Variants in CCSER1 observed in about 807,000 individuals in gnomAD.
The protein encoded by CCSER1 is coiled-coil serine rich protein 1.
Under a neutral mutation model 82.0 loss-of-function variants are expected in CCSER1, and 41 were observed. The observed-to-expected ratio is 0.50, with a 90% CI of 0.39 to 0.65. The LOEUF (loss-of-function observed/expected upper bound fraction) is 0.65. CCSER1 is among the 30% of genes least tolerant of loss of function. The probability of loss-of-function intolerance (pLI) is 0.00; values close to 1 mark genes in which losing one functional copy is unlikely to be tolerated. For synonymous variants in CCSER1, 414 were observed against 383.9 expected (o/e 1.08, Z -0.92); for missense variants, 1,119 against 1,064.2 (o/e 1.05, Z -0.72).
At chr4:90,929,002 A>T (rs911223544) in intron 9 of CCSER1, among the ~76,000 whole-genome samples, 2 of 152,164 alleles carry the variant, frequency 1.3e-5, no homozygotes, top group Admixed American at 1.3e-4. Flanking sequence ...AAATCTGCGT[A>T]AAATCAACCA....
chr4:90,334,810 C>G (rs1436351998), intron 3 of CCSER1, among the ~76,000 whole-genome samples: 1 of 152,000 alleles, frequency 6.6e-6, no homozygotes, highest in African/African-American at 2.4e-5. Flanking sequence ...AGTTTGTGTA[C>G]CATTCTAATA....
chr4:90,911,228 T>G (rs536420421), intron 8 of CCSER1: 2 of 438,482 alleles, frequency 4.6e-6, no homozygotes, highest in Non-Finnish European at 9.0e-6. Flanking sequence ...AAAATTATAT[T>G]AATAAAGTTT....
intron 5 of CCSER1, among the ~76,000 whole-genome samples, chr4:90,507,578 T>C (rs1034496347): frequency 6.6e-6 from 1 of 152,064 alleles, no homozygotes; most frequent in African/African-American, 2.4e-5. Flanking sequence ...TACAATCATT[T>C]CATACATTTT....
chr4:90,912,573 C>T (rs772514463), intron 8 of CCSER1, among the ~76,000 whole-genome samples: 12 of 152,126 alleles, frequency 7.9e-5, no homozygotes, highest in Admixed American at 6.5e-5. Context: ...TTCTAAAAAT[C>T]AGAGCACTTC....
intron 5 of CCSER1, among the ~76,000 whole-genome samples, chr4:90,517,106 TG>T (rs1772393990): frequency 6.6e-6 from 1 of 152,172 alleles, no homozygotes; most frequent in South Asian, 2.1e-4. Flanking sequence ...CTACCTTAAA[TG>T]TGCTCAGACA....
chr4:91,165,463 A>G (rs191706044), intron 10 of CCSER1, among the ~76,000 whole-genome samples: 1 of 152,250 alleles, frequency 6.6e-6, no homozygotes, highest in Non-Finnish European at 1.5e-5. Context: ...TCTCTTCAGA[A>G]CTGTCAGACA....
intron 10 of CCSER1, among the ~76,000 whole-genome samples, chr4:91,464,321 A>C (rs1010140275): frequency 6.6e-5 from 10 of 152,162 alleles, no homozygotes; most frequent in African/African-American, 2.4e-4. Context: ...TTTGTCACCA[A>C]AAGGCCTGCC....
chr4:90,334,604 T>C (rs1334196515), intron 3 of CCSER1, among the ~76,000 whole-genome samples: 1 of 152,144 alleles, frequency 6.6e-6, no homozygotes, highest in East Asian at 1.9e-4. Flanking sequence ...TATTATTTAT[T>C]CAATTATGCA....
In CCSER1 at chr4:91,501,196, C is replaced by A. The variant is rs554400563; in HGVS notation, c.2218-97376C>A. Among the ~76,000 whole-genome samples, 4 of 151,914 alleles carry A rather than the reference C, an allele frequency of 2.6e-5. No individual in the cohort carries two copies. The East Asian group carries it at 7.7e-4, about 29-fold the overall frequency. On this transcript the variant is annotated intron_variant, in intron 10 of 10. Coordinates refer to ENST00000509176, the MANE Select transcript of CCSER1 (RefSeq NM_001145065.2). ...GATAGTTTTTGCTTGTTTTCTTTTG[C>A]ATTAAATAATTATTTGATTAGAAAA... is the stretch of plus-strand genomic sequence containing the variant.
At chr4:91,227,448 TTGTG>T (rs1382073578) in intron 10 of CCSER1, among the ~76,000 whole-genome samples, 1 of 151,362 alleles carries the variant, frequency 6.6e-6, no homozygotes, top group Non-Finnish European at 1.5e-5. Flanking sequence ...GTGTGTGTGT[TTGTG>T]TGTGTGTATG....
At chr4:90,924,722 T>A (rs1201445705) in intron 9 of CCSER1, among the ~76,000 whole-genome samples, 1 of 152,136 alleles carries the variant, frequency 6.6e-6, no homozygotes, top group Non-Finnish European at 1.5e-5. Context: ...TTTTTGTTGT[T>A]GTTGTTTGTT....
chr4:90,321,383 T>A (rs900641121), intron 3 of CCSER1, among the ~76,000 whole-genome samples: 4 of 152,170 alleles, frequency 2.6e-5, no homozygotes, highest in Non-Finnish European at 5.9e-5. Context: ...TTGTTGCAAT[T>A]GACAGGATCT....
chr4:90,784,695 C>T (rs1754234856), intron 7 of CCSER1, among the ~76,000 whole-genome samples: 1 of 152,208 alleles, frequency 6.6e-6, no homozygotes, highest in Non-Finnish European at 1.5e-5. Flanking sequence ...CACCAACCCT[C>T]ATGCAGTTGA....
At chr4:90,184,475 G>T (rs945264591) in intron 1 of CCSER1, among the ~76,000 whole-genome samples, 9 of 152,124 alleles carry the variant, frequency 5.9e-5, no homozygotes, top group Non-Finnish European at 1.3e-4. Flanking sequence ...AGCATGGAGG[G>T]TAGGGAAGCT....
chr4:90,387,570 A>G (rs1750251341), intron 3 of CCSER1, among the ~76,000 whole-genome samples: 1 of 152,196 alleles, frequency 6.6e-6, no homozygotes, highest in African/African-American at 2.4e-5. Flanking sequence ...GTGATTTAGG[A>G]TGGTGGCTTT....
At chr4:90,653,014 G>T (rs1729052836) in intron 6 of CCSER1, among the ~76,000 whole-genome samples, 1 of 151,978 alleles carries the variant, frequency 6.6e-6, no homozygotes, top group South Asian at 2.1e-4. Flanking sequence ...AAAACTTTTA[G>T]GGGGCCAAGC....
rs1404252535 is a variant in CCSER1, at chr4:91,601,759, A to C, written c.*2702A>C. The stretch of plus-strand genomic sequence containing the variant: ...TGCATGTGTATGTGTAGCTAAGCCT[A>C]AATAACCCTGTAAAATTTCTGCTGC... On this transcript the variant is annotated 3_prime_UTR_variant, in exon 11 of 11. Coordinates refer to ENST00000509176, the MANE Select transcript of CCSER1 (RefSeq NM_001145065.2). 6.6e-6 allele frequency: 1 copy of C among 152,066 alleles called. No individual in the cohort carries two copies. Among genetic ancestry groups the C allele is most frequent in the Non-Finnish European group, 1.5e-5 (1 of 67,946 alleles). The allele number at this position is 152,066 out of a possible 1,614,324, so 9.4% of individuals were successfully genotyped here.
intron 10 of CCSER1, among the ~76,000 whole-genome samples, chr4:91,348,342 G>A (rs989801016): frequency 6.6e-6 from 1 of 151,990 alleles, no homozygotes; most frequent in African/African-American, 2.4e-5. Context: ...TTTGATCATG[G>A]TGTATAATTC....
chr4:90,700,875 G>C (rs1252955544), intron 6 of CCSER1, among the ~76,000 whole-genome samples: 1 of 152,016 alleles, frequency 6.6e-6, no homozygotes, highest in South Asian at 2.1e-4. Context: ...TGTATATTCT[G>C]GTTATTAGCC....
Sources: allele counts gnomAD v4.1 joint callset (sites outside exome capture counted in the v4.1 genomes callset), GRCh38; gene constraint gnomAD v4.1.1; transcripts MANE v1.5; gene names NCBI Gene and HGNC (gene_info 2026-07-23, HGNC 2026-07-21).